The following RBFOX1 variants were observed in gnomAD, a reference collection of about 807,000 sequenced individuals.
The protein encoded by RBFOX1 is RNA binding fox-1 homolog 1.
A neutral mutation model predicts 57.7 loss-of-function variants in RBFOX1; 8 were observed. That is an observed-to-expected ratio of 0.14 (90% CI 0.08 to 0.25). RBFOX1 has a LOEUF of 0.25. Among genes scored for constraint, RBFOX1 ranks in the 10% least tolerant of loss-of-function variants. The pLI is 1.00. For missense variants in RBFOX1, 611 were observed against 548.5 expected (o/e 1.11, Z -1.14); for synonymous variants, 326 against 222.4 (o/e 1.47, Z -4.15).
intron 2 of RBFOX1, among the ~76,000 whole-genome samples, chr16:6,487,740 TATATATATATA>T (rs2095536332): frequency 3.1e-5 from 2 of 64,206 alleles, no homozygotes; most frequent in Non-Finnish European, 6.4e-5. Flanking sequence ...TATATATATA[TATATATATATA>T]TATAAAATAT....
intron 5 of RBFOX1, among the ~76,000 whole-genome samples, chr16:7,560,654 A>T (rs2090105546): frequency 1.3e-5 from 2 of 151,988 alleles, no homozygotes; most frequent in African/African-American, 4.8e-5. Flanking sequence ...CCTTTTTCAT[A>T]AATTGAGATT....
At chr16:5,837,481 C>A (rs1404161137) in intron 3 of RBFOX1, among the ~76,000 whole-genome samples, 5 of 152,094 alleles carry the variant, frequency 3.3e-5, no homozygotes, top group Admixed American at 6.5e-5. Flanking sequence ...GACTCTCAGC[C>A]ACCCTCTGCC....
intron 4 of RBFOX1, among the ~76,000 whole-genome samples, chr16:7,354,679 A>T (rs1171235375): frequency 6.6e-6 from 1 of 152,220 alleles, no homozygotes; most frequent in Non-Finnish European, 1.5e-5. Context: ...GCTGGGGAAG[A>T]TAGCACTCTC....
chr16:5,289,103 T>G (rs1201169972), intron 1 of RBFOX1: 1 of 173,770 alleles, frequency 5.8e-6, no homozygotes, highest in East Asian at 1.4e-4. Flanking sequence ...CCAGCCTGGG[T>G]GACAGAGGAA....
intron 3 of RBFOX1, among the ~76,000 whole-genome samples, chr16:6,693,426 A>G (rs967642560): frequency 6.6e-6 from 1 of 151,136 alleles, no homozygotes; most frequent in Admixed American, 6.6e-5. Flanking sequence ...CACTATCATT[A>G]TCAACATCCT....
chr16:7,540,098 T>G (rs1179747059), intron 5 of RBFOX1, among the ~76,000 whole-genome samples: 8 of 152,250 alleles, frequency 5.3e-5, no homozygotes, highest in Non-Finnish European at 1.2e-4. Flanking sequence ...GAAAGACATG[T>G]GCCTCATTGG....
At chr16:7,689,881 C>G (rs1420750449) in intron 14 of RBFOX1, among the ~76,000 whole-genome samples, 1 of 152,076 alleles carries the variant, frequency 6.6e-6, no homozygotes, top group Non-Finnish European at 1.5e-5. Flanking sequence ...TAGAAGGCAT[C>G]TAGAAACTAG....
At chr16:5,908,668 A>G (rs1410428110) in intron 4 of RBFOX1, among the ~76,000 whole-genome samples, 3 of 152,088 alleles carry the variant, frequency 2.0e-5, no homozygotes, top group Non-Finnish European at 2.9e-5. Context: ...AGGGCCTAAA[A>G]GTGTGGCAGG....
chr16:6,538,245 C>T (rs961132877), intron 2 of RBFOX1, among the ~76,000 whole-genome samples: 2 of 152,150 alleles, frequency 1.3e-5, no homozygotes, highest in African/African-American at 4.8e-5. Flanking sequence ...AATCCCAGTA[C>T]TTGGGAGGCC....
chr16:6,254,057 A>G (rs559065240), intron 1 of RBFOX1, among the ~76,000 whole-genome samples: 1 of 152,290 alleles, frequency 6.6e-6, no homozygotes, highest in South Asian at 2.1e-4. Context: ...TGTGTGACAT[A>G]ATGGAAAGAC....
intron 1 of RBFOX1, among the ~76,000 whole-genome samples, chr16:5,409,139 A>G (rs936970661): frequency 7.9e-5 from 12 of 152,212 alleles, no homozygotes; most frequent in Non-Finnish European, 1.6e-4. Flanking sequence ...GGAATCAGAG[A>G]GAATGCAGAC....
At chr16:6,681,010 G>A (rs2058568467) in intron 3 of RBFOX1, among the ~76,000 whole-genome samples, 1 of 152,120 alleles carries the variant, frequency 6.6e-6, no homozygotes, top group South Asian at 2.1e-4. Context: ...TGGTCTCAAA[G>A]TAAGTAGAAA....
chr16:6,896,290 T>C (rs1381098429), intron 3 of RBFOX1, among the ~76,000 whole-genome samples: 1 of 152,216 alleles, frequency 6.6e-6, no homozygotes, highest in African/African-American at 2.4e-5. Context: ...TTTATCCTTT[T>C]TGGTACTAAC....
chr16:6,879,917 T>C (rs920507518), intron 3 of RBFOX1, among the ~76,000 whole-genome samples: 1 of 152,344 alleles, frequency 6.6e-6, no homozygotes, highest in East Asian at 1.9e-4. Flanking sequence ...TTTTAAAATA[T>C]TATTTAAATT....
At chr16:6,523,331 G>C (rs1386340456) in intron 2 of RBFOX1, among the ~76,000 whole-genome samples, 2 of 152,144 alleles carry the variant, frequency 1.3e-5, no homozygotes, top group Non-Finnish European at 2.9e-5. Context: ...CCATTTGGAC[G>C]ACAGAGGTGT....
In RBFOX1 at chr16:7,461,588, G is replaced by T. The variant is rs182949812; in HGVS notation, c.28-56559G>T. Reference sequence around the variant, plus strand: ...ACTTAGAATTGACATTCAGCTCTACGCAGTATTCCAGGTCATTTGTGTGTC... The same window carrying T: ...ACTTAGAATTGACATTCAGCTCTACTCAGTATTCCAGGTCATTTGTGTGTC... On this transcript the variant is annotated intron_variant, in intron 4 of 15. Transcript: ENST00000550418. 3.3e-5 allele frequency among the ~76,000 whole-genome samples: 5 copies of T among 152,246 alleles called. No individual in the cohort carries two copies. The East Asian group carries it at 7.7e-4, about 24-fold the overall frequency.
intron 13 of RBFOX1, among the ~76,000 whole-genome samples, chr16:7,674,477 G>C (rs2072646555): frequency 6.6e-6 from 1 of 152,170 alleles, no homozygotes; most frequent in African/African-American, 2.4e-5. Flanking sequence ...TGAGACCACT[G>C]ATCAAGGTTT....
intron 3 of RBFOX1, among the ~76,000 whole-genome samples, chr16:5,847,629 C>G (rs1196308496): frequency 6.6e-6 from 1 of 152,096 alleles, no homozygotes; most frequent in Non-Finnish European, 1.5e-5. Flanking sequence ...TTAGTTTGTT[C>G]TTTCTGGAGA....
intron 2 of RBFOX1, among the ~76,000 whole-genome samples, chr16:6,632,445 G>A (rs190304207): frequency 6.6e-6 from 1 of 152,192 alleles, no homozygotes; most frequent in Non-Finnish European, 1.5e-5. Flanking sequence ...TGATATTCCT[G>A]TGGTTATGAG....
Sources: allele counts gnomAD v4.1 joint callset (sites outside exome capture counted in the v4.1 genomes callset), GRCh38; gene constraint gnomAD v4.1.1; transcripts MANE v1.5; gene names NCBI Gene and HGNC (gene_info 2026-07-23, HGNC 2026-07-21).